Variants in PACS1 observed in about 807,000 individuals in gnomAD.
PACS1 encodes phosphofurin acidic cluster sorting protein 1.
In PACS1, 24 loss-of-function variants were observed where a neutral mutation model predicts 115.0. That is an observed-to-expected ratio of 0.21 (90% CI 0.15 to 0.29). The LOEUF is 0.29. PACS1 is among the 10% of genes least tolerant of loss of function. The probability of loss-of-function intolerance (pLI) is 1.00; values close to 1 mark genes in which losing one functional copy is unlikely to be tolerated. For synonymous variants in PACS1, 453 were observed against 504.5 expected (o/e 0.90, Z 1.37); for missense variants, 838 against 1,251.2 (o/e 0.67, Z 4.98).
At chr11:66,187,699 G>A (rs1037327440) in intron 1 of PACS1, among the ~76,000 whole-genome samples, 6 of 152,076 alleles carry the variant, frequency 3.9e-5, no homozygotes, top group Non-Finnish European at 5.9e-5. Context: ...TTCTTTATCT[G>A]TTCCTCTGTT....
At chr11:66,205,010 G>A (rs1854901627) in intron 2 of PACS1, among the ~76,000 whole-genome samples, 1 of 151,696 alleles carries the variant, frequency 6.6e-6, no homozygotes, top group Non-Finnish European at 1.5e-5. Context: ...TTGAAACGGA[G>A]TTTCACTCTT....
intron 2 of PACS1, among the ~76,000 whole-genome samples, chr11:66,201,243 A>G (rs376736357): frequency 1.3e-5 from 2 of 152,086 alleles, no homozygotes; most frequent in East Asian, 1.9e-4. Context: ...TTGAAATAAT[A>G]TCAGGCATCT....
At chr11:66,121,019 A>G (rs1034445426) in intron 1 of PACS1, 60 of 456,248 alleles carry the variant, frequency 1.3e-4, no homozygotes, top group African/African-American at 1.0e-3. Flanking sequence ...TGTGCTTCAC[A>G]GATGCTGCAT....
intron 1 of PACS1, among the ~76,000 whole-genome samples, chr11:66,094,344 TA>T (rs1441450377): frequency 6.7e-6 from 1 of 149,838 alleles, no homozygotes; most frequent in Non-Finnish European, 1.5e-5. Flanking sequence ...ATAGACGCAA[TA>T]AAAAATGATA....
chr11:66,221,642 C>CAAA (rs34313657), intron 10 of PACS1: 163 of 101,644 alleles, frequency 1.6e-3, no homozygotes, highest in Middle Eastern at 5.6e-3. Context: ...GAGATTCCCT[C>CAAA]AAAAAAAAAA....
At chr11:66,120,929 C>A in intron 1 of PACS1, 1 of 440,104 alleles carries the variant, frequency 2.3e-6, no homozygotes, top group South Asian at 1.6e-5. Flanking sequence ...CCCTGTGCTT[C>A]CACAGGGCCT....
rs922199278 is a variant in PACS1, at chr11:66,088,429, T to C, written c.356+17587T>C. 5.9e-5 allele frequency among the ~76,000 whole-genome samples: 9 copies of C among 152,234 alleles called. No individual in the cohort carries two copies. The East Asian group carries it at 1.7e-3, about 29-fold the overall frequency. On this transcript the variant is annotated intron_variant, in intron 1 of 23. Coordinates refer to ENST00000320580, the MANE Select transcript of PACS1 (RefSeq NM_018026.4). ...CCAGTCCATCTGAAATTGATATTTG[T>C]ATGTGATGTGAGGTATGGATTAAGA...
chr11:66,191,966 T>A (rs1307013613), intron 1 of PACS1, among the ~76,000 whole-genome samples: 1 of 151,802 alleles, frequency 6.6e-6, no homozygotes, highest in East Asian at 1.9e-4. Context: ...GAGGCTGCAG[T>A]GAGCCAAAAT....
chr11:66,143,197 G>A (rs1016276019), intron 1 of PACS1, among the ~76,000 whole-genome samples: 1 of 152,024 alleles, frequency 6.6e-6, no homozygotes, highest in Non-Finnish European at 1.5e-5. Flanking sequence ...AATCAATTCC[G>A]CCTTATCAGT....
At position 66,223,830 on chromosome 11, in the gene PACS1, A is replaced by G. The variant is rs181360099; in HGVS notation, c.1293+2583A>G. Among the ~76,000 whole-genome samples the G allele has an allele frequency of 2.0e-3, 303 of 152,310 alleles. 2 individuals are homozygous for G. The highest frequency in any genetic ancestry group is 6.8e-3 in the African/African-American group (282 of 41,560). ...CTGACTTATAAAACTTACAGAAAAA[A>G]TTACTTAGACACTCTGAGCCTCGGT... On this transcript the variant is annotated intron_variant, in intron 10 of 23. Transcript: ENST00000320580.
chr11:66,112,259 G>A (rs1315476872), intron 1 of PACS1, among the ~76,000 whole-genome samples: 1 of 152,132 alleles, frequency 6.6e-6, no homozygotes, highest in African/African-American at 2.4e-5. Context: ...CTGCTCTCCA[G>A]CCTGTTTCTT....
chr11:66,223,031 A>C (rs1178426360), intron 10 of PACS1, among the ~76,000 whole-genome samples: 4 of 149,384 alleles, frequency 2.7e-5, no homozygotes, highest in Non-Finnish European at 1.5e-5. Context: ...TGGGGATCCA[A>C]GAACTGAGGA....
At chr11:66,076,058 T>C (rs1260945300) in intron 1 of PACS1, among the ~76,000 whole-genome samples, 2 of 152,124 alleles carry the variant, frequency 1.3e-5, no homozygotes, top group Admixed American at 6.5e-5. Flanking sequence ...CTTAAAAGCA[T>C]GTTTGTACCT....
chr11:66,206,801 T>C (rs547698607), intron 2 of PACS1, among the ~76,000 whole-genome samples: 61 of 152,132 alleles, frequency 4.0e-4, no homozygotes, highest in Non-Finnish European at 8.1e-4. Context: ...CATGCAGGTA[T>C]CTGGAGGAAG....
chr11:66,206,598 G>A (rs988477744), intron 2 of PACS1, among the ~76,000 whole-genome samples: 1 of 152,232 alleles, frequency 6.6e-6, no homozygotes, highest in Admixed American at 6.5e-5. Context: ...GCACATACTT[G>A]GGTGGTGAGA....
chr11:66,179,163 A>G (rs1267873224), intron 1 of PACS1, among the ~76,000 whole-genome samples: 1 of 151,992 alleles, frequency 6.6e-6, no homozygotes, highest in African/African-American at 2.4e-5. Context: ...TTTGATTTGC[A>G]TTTTCTTTGT....
intron 2 of PACS1, among the ~76,000 whole-genome samples, chr11:66,208,335 A>G (rs1854991465): frequency 6.6e-6 from 1 of 152,140 alleles, no homozygotes; most frequent in Admixed American, 6.5e-5. Context: ...AATTATAAAC[A>G]GGGATGAGTG....
At chr11:66,189,356 T>A (rs763093111) in intron 1 of PACS1, among the ~76,000 whole-genome samples, 43 of 152,216 alleles carry the variant, frequency 2.8e-4, no homozygotes, top group Non-Finnish European at 5.6e-4. Flanking sequence ...TTCTTGGCCA[T>A]CTTGTTAACA....
intron 1 of PACS1, among the ~76,000 whole-genome samples, chr11:66,117,541 A>C (rs960410723): frequency 6.6e-5 from 10 of 151,834 alleles, no homozygotes; most frequent in African/African-American, 2.4e-4. Flanking sequence ...AGCCCTCAAC[A>C]TGTGATTAAA....
Sources: gnomAD v4.1 joint callset for allele counts (sites outside exome capture counted in the v4.1 genomes callset) on GRCh38, gnomAD v4.1.1 for gene constraint, MANE v1.5 for transcripts, NCBI Gene and HGNC (gene_info 2026-07-23, HGNC 2026-07-21) for gene names.